PACSIN2: variants seen among roughly 807,000 people sequenced by gnomAD.
PACSIN2 encodes protein kinase C and casein kinase substrate in neurons protein 2.
A neutral mutation model predicts 63.8 loss-of-function variants in PACSIN2; 25 were observed. The ratio of observed to expected loss-of-function variants is 0.39; its 90% CI spans 0.29 to 0.55. The LOEUF (loss-of-function observed/expected upper bound fraction) is 0.55, where lower values mean the gene tolerates loss of function less well. Ranked by LOEUF, PACSIN2 falls within the 20% of genes least tolerant of loss-of-function variation. The pLI is 0.62. For synonymous variants in PACSIN2, 255 were observed against 256.2 expected (o/e 1.00, Z 0.05); for missense variants, 518 against 646.9 (o/e 0.80, Z 2.16).
At chr22:42,928,858 C>T (rs142938283) in intron 1 of PACSIN2, among the ~76,000 whole-genome samples, 2 of 152,314 alleles carry the variant, frequency 1.3e-5, no homozygotes, top group African/African-American at 4.8e-5. Context: ...AATTTAGAAG[C>T]CTCATCCCAA....
chr22:42,986,261 C>T (rs1348263604), intron 1 of PACSIN2, among the ~76,000 whole-genome samples: 1 of 152,186 alleles, frequency 6.6e-6, no homozygotes, highest in Non-Finnish European at 1.5e-5. Context: ...CTAAGCAAAA[C>T]CGTGCCACTG....
At chr22:42,914,091 C>T (rs1223128668) in intron 1 of PACSIN2, among the ~76,000 whole-genome samples, 1 of 152,230 alleles carries the variant, frequency 6.6e-6, no homozygotes, top group Non-Finnish European at 1.5e-5. Context: ...TAACCAGGCT[C>T]TCATGGAGAG....
intron 1 of PACSIN2, among the ~76,000 whole-genome samples, chr22:42,916,427 AG>A (rs1185354357): frequency 4.2e-5 from 2 of 47,970 alleles, no homozygotes; most frequent in African/African-American, 1.3e-4. Flanking sequence ...GGGGTGGGGA[AG>A]GGGGGCCTTG....
chr22:42,899,183 C>G (rs1185044851), intron 2 of PACSIN2, among the ~76,000 whole-genome samples: 1 of 152,240 alleles, frequency 6.6e-6, no homozygotes, highest in Non-Finnish European at 1.5e-5. Context: ...GTCTACCGCA[C>G]AGCAGGCACC....
intron 1 of PACSIN2, among the ~76,000 whole-genome samples, chr22:42,966,868 G>A (rs1183298743): frequency 6.6e-6 from 1 of 152,110 alleles, no homozygotes; most frequent in Non-Finnish European, 1.5e-5. Context: ...TGAGTCTGTG[G>A]GTATTTTCAG....
rs527896420 is a variant in PACSIN2 at position 43,012,279 on chromosome 22, C to A, written c.-78+2742G>T. Among the ~76,000 whole-genome samples, 9 of 131,872 alleles carry A rather than the reference C, an allele frequency of 6.8e-5. No individual in the cohort carries two copies. In the East Asian group the frequency reaches 2.0e-3, roughly 30 times the overall value. 86.5% of individuals were successfully genotyped at this position (131,872 alleles called of 152,430 possible). A position where few individuals can be genotyped will look rare whatever the true frequency, so the allele number is the denominator to read the frequency against. On this transcript the variant is annotated intron_variant, in intron 1 of 10. Transcript: ENST00000263246. The stretch of plus-strand genomic sequence containing the variant: ...ACTGAGGAGGCTGAGGCAGAGGAAT[C>A]ATTTGAACCTGGGCAGAGACTCTCT...
chr22:42,882,039 T>C lies in PACSIN2; in HGVS notation c.906+145A>G, dbSNP rs913178796. The C allele has an allele frequency of 3.2e-6, 3 of 930,720 alleles. No individual in the cohort carries two copies. In the African/African-American group the frequency reaches 4.9e-5, roughly 15 times the overall value. The allele number at this position is 930,720 out of a possible 1,614,324, so 57.7% of individuals were successfully genotyped here. A position where few individuals can be genotyped will look rare whatever the true frequency, so the allele number is the denominator to read the frequency against. On this transcript the variant is annotated intron_variant, in intron 7 of 10. Coordinates refer to ENST00000263246, the MANE Select transcript of PACSIN2 (RefSeq NM_001184970.3). Reference sequence around the variant, plus strand: ...CAGGACTCTATGCCAGAACTTGGTCTGTACTATAGCTATGCCTAAAGGCTG... The same window carrying C: ...CAGGACTCTATGCCAGAACTTGGTCCGTACTATAGCTATGCCTAAAGGCTG...
At chr22:42,929,051 G>A (rs1366438105) in intron 1 of PACSIN2, among the ~76,000 whole-genome samples, 2 of 152,206 alleles carry the variant, frequency 1.3e-5, no homozygotes, top group Non-Finnish European at 2.9e-5. Context: ...AATTAAAGCC[G>A]AGTAATTATA....
Position 42,871,058 on chromosome 22 carries a change from G to C in PACSIN2, c.*299C>G, listed in dbSNP as rs1020213701. The C allele has an allele frequency of 2.0e-5, 8 of 404,184 alleles. No homozygotes were observed. In the South Asian group the frequency reaches 2.2e-4, roughly 11 times the overall value. 25.0% of individuals were successfully genotyped at this position (404,184 alleles called of 1,614,324 possible). ...ATCAGTGTAACCCACCATTGACTCG[G>C]AAAGGAGAGACAAAGTCAAGAACAT... On this transcript the variant is annotated 3_prime_UTR_variant, in exon 11 of 11. Transcript: ENST00000263246. The surrounding 1 kb of genome is among the most constrained non-coding windows in gnomAD (Gnocchi z 5.4).
intron 1 of PACSIN2, among the ~76,000 whole-genome samples, chr22:42,919,383 T>A (rs769411250): frequency 6.6e-6 from 1 of 152,170 alleles, no homozygotes; most frequent in African/African-American, 2.4e-5. Flanking sequence ...AAATGAGTCA[T>A]CCCTGGTCTT....
At chr22:43,011,154 T>C (rs1431741275) in intron 1 of PACSIN2, among the ~76,000 whole-genome samples, 2 of 152,202 alleles carry the variant, frequency 1.3e-5, no homozygotes, top group Non-Finnish European at 2.9e-5. Flanking sequence ...TGATACTTTC[T>C]GGTATGTGAG....
intron 1 of PACSIN2, among the ~76,000 whole-genome samples, chr22:42,941,675 C>T (rs936964096): frequency 3.3e-5 from 5 of 152,086 alleles, no homozygotes; most frequent in Non-Finnish European, 5.9e-5. Flanking sequence ...GCTTATTGGC[C>T]ATTTGTATAC....
At chr22:42,897,427 GGTT>G (rs1268767479) in intron 2 of PACSIN2, among the ~76,000 whole-genome samples, 2 of 152,154 alleles carry the variant, frequency 1.3e-5, no homozygotes, top group Non-Finnish European at 2.9e-5. Context: ...CAAAACATTA[GGTT>G]GTTTTGGGAT....
chr22:42,931,199 C>G (rs965227107), intron 1 of PACSIN2, among the ~76,000 whole-genome samples: 2 of 152,236 alleles, frequency 1.3e-5, no homozygotes, highest in Non-Finnish European at 2.9e-5. Context: ...CTGGCTTACA[C>G]GAGGCAATGA....
At chr22:42,999,623 A>G (rs1923637169) in intron 1 of PACSIN2, among the ~76,000 whole-genome samples, 1 of 152,130 alleles carries the variant, frequency 6.6e-6, no homozygotes, top group Admixed American at 6.6e-5. Flanking sequence ...AGACAAGATC[A>G]TGCCATTGCA....
At chr22:42,925,306 C>T (rs1199249544) in intron 1 of PACSIN2, among the ~76,000 whole-genome samples, 1 of 151,822 alleles carries the variant, frequency 6.6e-6, no homozygotes, top group Non-Finnish European at 1.5e-5. Flanking sequence ...ATGGTGAAAC[C>T]CCATTTCTAC....
intron 5 of PACSIN2, among the ~76,000 whole-genome samples, chr22:42,886,724 G>A (rs189457286): frequency 6.6e-6 from 1 of 152,298 alleles, no homozygotes; most frequent in Admixed American, 6.5e-5. Context: ...GTGGTGGGGA[G>A]GGACTGGCCT....
At chr22:42,921,178 T>A (rs565230467) in intron 1 of PACSIN2, among the ~76,000 whole-genome samples, 2 of 151,820 alleles carry the variant, frequency 1.3e-5, no homozygotes, top group Non-Finnish European at 2.9e-5. Context: ...GCTAACACGG[T>A]GAAACCCTGT....
intron 1 of PACSIN2, among the ~76,000 whole-genome samples, chr22:42,982,888 A>AAAAAAAAAAACAC (rs759532303): frequency 9.5e-6 from 1 of 105,158 alleles, no homozygotes; most frequent in Non-Finnish European, 2.1e-5. Flanking sequence ...AAAAAAAAAA[A>AAAAAAAAAAACAC]AACAACAACA....
Sources: allele counts gnomAD v4.1 joint callset (sites outside exome capture counted in the v4.1 genomes callset), GRCh38; gene constraint gnomAD v4.1.1; non-coding constraint Gnocchi (gnomAD v3.1); transcripts MANE v1.5; gene names NCBI Gene and HGNC (gene_info 2026-07-23, HGNC 2026-07-21).